Variants in DEPTOR observed in about 807,000 individuals in gnomAD.
DEPTOR encodes the protein DEP domain containing MTOR interacting protein, also known as DEP domain-containing mTOR-interacting protein.
In DEPTOR, 41 loss-of-function variants were observed where a neutral mutation model predicts 41.6. The observed-to-expected ratio is 0.98, with a 90% CI of 0.77 to 1.28. The LOEUF (loss-of-function observed/expected upper bound fraction) is 1.28, where lower values mean the gene tolerates loss of function less well. DEPTOR is among the 50% of genes most tolerant of loss of function. DEPTOR has a pLI of 0.00. For missense variants in DEPTOR, 514 were observed against 527.9 expected (o/e 0.97, Z 0.26); for synonymous variants, 195 against 192.3 (o/e 1.01, Z -0.12).
intron 8 of DEPTOR, among the ~76,000 whole-genome samples, chr8:120,027,711 A>G (rs529412112): frequency 6.6e-6 from 1 of 152,046 alleles, no homozygotes; most frequent in East Asian, 1.9e-4. Flanking sequence ...AGCTCAAAAA[A>G]AAAAAAGAGT....
intron 1 of DEPTOR, among the ~76,000 whole-genome samples, chr8:119,918,126 T>C (rs1002073788): frequency 2.0e-5 from 3 of 152,160 alleles, no homozygotes; most frequent in Non-Finnish European, 4.4e-5. Context: ...GTGGATCCTC[T>C]GTGTGCTGAA....
chr8:119,951,687 G>A (rs1007204832), intron 3 of DEPTOR, among the ~76,000 whole-genome samples: 3 of 152,166 alleles, frequency 2.0e-5, no homozygotes, highest in Non-Finnish European at 2.9e-5. Context: ...TATTCACTTA[G>A]TTTTTAGTCA....
intron 1 of DEPTOR, among the ~76,000 whole-genome samples, chr8:119,926,881 G>A (rs1356261599): frequency 6.6e-6 from 1 of 152,006 alleles, no homozygotes; most frequent in Non-Finnish European, 1.5e-5. Flanking sequence ...CAATTATTTA[G>A]CACTCAGCCA....
chr8:119,918,951 G>GTGTGTGTGTGTGTGTA, intron 1 of DEPTOR, among the ~76,000 whole-genome samples: 1 of 139,432 alleles, frequency 7.2e-6, no homozygotes. Flanking sequence ...GTGTGTGTGT[G>GTGTGTGTGTGTGTGTA]TGTGTGTGTG....
At chr8:119,951,284 C>T (rs963554532) in intron 3 of DEPTOR, among the ~76,000 whole-genome samples, 4 of 152,150 alleles carry the variant, frequency 2.6e-5, no homozygotes, top group Non-Finnish European at 4.4e-5. Context: ...GGTTTTAGAA[C>T]CCAGCTTCCC....
At chr8:119,884,357 C>A (rs1025951428) in intron 1 of DEPTOR, among the ~76,000 whole-genome samples, 2 of 152,112 alleles carry the variant, frequency 1.3e-5, no homozygotes, top group Admixed American at 1.3e-4. Context: ...TGCACCTGGC[C>A]GGTTGCATTT....
At position 119,946,957 on chromosome 8, in the gene DEPTOR, G is replaced by A. The variant is rs1828287188; in HGVS notation, c.425+17019G>A. Reference sequence around the variant, plus strand: ...TTTGTTATTCTGGCCAGTTCAGACTGTCATCCAGCCTCTGCAAGGGTCAGC... The same window carrying A: ...TTTGTTATTCTGGCCAGTTCAGACTATCATCCAGCCTCTGCAAGGGTCAGC... On this transcript the variant is annotated intron_variant, in intron 3 of 8. Transcript: ENST00000286234. Among the ~76,000 whole-genome samples the A allele has an allele frequency of 2.0e-5, 3 of 152,128 alleles. No homozygotes were observed. In the South Asian group the frequency reaches 6.2e-4, roughly 32 times the overall value.
In DEPTOR at chr8:119,890,604, A is replaced by G. The variant is rs1002903205; in HGVS notation, c.122+16636A>G. On this transcript the variant is annotated intron_variant, in intron 1 of 8. Transcript: ENST00000286234. ...AGGCATGAGCCACCGTGCCTGGCCT[A>G]TATGTGAGTTTTGAAGAAATGCGAC... Among the ~76,000 whole-genome samples the G allele has an allele frequency of 1.2e-3, 190 of 152,214 alleles. 1 individual carries two copies. Among genetic ancestry groups the G allele is most frequent in the Non-Finnish European group, 1.5e-4 (10 of 68,010 alleles).
At chr8:120,007,142 T>C (rs1408426872) in intron 7 of DEPTOR, among the ~76,000 whole-genome samples, 1 of 152,246 alleles carries the variant, frequency 6.6e-6, no homozygotes, top group Non-Finnish European at 1.5e-5. Context: ...TTTATTCTAA[T>C]TTAATTGCAA....
At chr8:120,043,488 C>T (rs970407332) in intron 8 of DEPTOR, among the ~76,000 whole-genome samples, 2 of 151,912 alleles carry the variant, frequency 1.3e-5, no homozygotes, top group Admixed American at 6.6e-5. Flanking sequence ...ACATCAACAC[C>T]GTAAGATATT....
intron 3 of DEPTOR, among the ~76,000 whole-genome samples, chr8:119,953,515 C>CTG (rs1828378932): frequency 6.6e-6 from 1 of 150,950 alleles, no homozygotes. Flanking sequence ...CACTTGAATC[C>CTG]AGGAGGTGGA....
chr8:119,949,878 C>A (rs995154269), intron 3 of DEPTOR, among the ~76,000 whole-genome samples: 1 of 152,080 alleles, frequency 6.6e-6, no homozygotes, highest in Non-Finnish European at 1.5e-5. Flanking sequence ...CAGGGTTTCA[C>A]TATGTTGGCC....
chr8:119,974,243 A>C (rs112814292), intron 4 of DEPTOR, among the ~76,000 whole-genome samples: 10 of 133,108 alleles, frequency 7.5e-5, no homozygotes, highest in East Asian at 2.3e-4. Flanking sequence ...TTTAAAAAAA[A>C]AAAAAAAAAA....
chr8:119,969,010 G>T (rs1210210857), intron 4 of DEPTOR, among the ~76,000 whole-genome samples: 8 of 151,778 alleles, frequency 5.3e-5, no homozygotes, highest in Middle Eastern at 3.4e-3. Context: ...AGTAAGAATC[G>T]CTTGAACCCT....
intron 8 of DEPTOR, among the ~76,000 whole-genome samples, chr8:120,020,628 T>C (rs1812687324): frequency 6.6e-6 from 1 of 152,220 alleles, no homozygotes; most frequent in Admixed American, 6.5e-5. Flanking sequence ...GTTTCTAGTT[T>C]GTGACTGGCA....
chr8:119,978,910 A>G (rs11987040), intron 4 of DEPTOR, among the ~76,000 whole-genome samples: 113,369 of 151,834 alleles, frequency 0.75, 42,473 homozygotes, highest in Middle Eastern at 0.86. Context: ...TGGCTCTCTG[A>G]TTCTTTGGAA....
chr8:120,033,468 C>A (rs1315971747), intron 8 of DEPTOR, among the ~76,000 whole-genome samples: 4 of 152,164 alleles, frequency 2.6e-5, no homozygotes, highest in Non-Finnish European at 5.9e-5. Flanking sequence ...AGCCAGAAGC[C>A]AAGCTAGCCC....
At chr8:119,982,000 T>C (rs1563581544) in intron 4 of DEPTOR, among the ~76,000 whole-genome samples, 2 of 118,844 alleles carry the variant, frequency 1.7e-5, no homozygotes, top group African/African-American at 6.6e-5. Flanking sequence ...GTCGACAGTG[T>C]GAGATTCCAT....
intron 8 of DEPTOR, among the ~76,000 whole-genome samples, chr8:120,038,592 CA>C (rs34679088): frequency 0.39 from 42,308 of 107,644 alleles, 6,116 homozygotes; most frequent in East Asian, 0.56. Flanking sequence ...GACCCTATCT[CA>C]AAAAAAAAAA....
Sources: gnomAD v4.1 joint callset for allele counts (sites outside exome capture counted in the v4.1 genomes callset) on GRCh38, gnomAD v4.1.1 for gene constraint, MANE v1.5 for transcripts, NCBI Gene and HGNC (gene_info 2026-07-23, HGNC 2026-07-21) for gene names.